The following PLCG2 variants were observed in gnomAD, a reference collection of about 807,000 sequenced individuals.
PLCG2 encodes the protein phospholipase C gamma 2.
PLCG2 carries 69 observed loss-of-function variants against 175.6 expected under a neutral mutation model. The ratio of observed to expected loss-of-function variants is 0.39; its 90% CI spans 0.32 to 0.48. PLCG2 has a LOEUF of 0.48. Among genes scored for constraint, PLCG2 ranks in the 20% least tolerant of loss-of-function variants. The probability of loss-of-function intolerance (pLI) is 0.91; values close to 1 mark genes in which losing one functional copy is unlikely to be tolerated. For missense variants in PLCG2, 1,798 were observed against 1,650.9 expected (o/e 1.09, Z -1.54); for synonymous variants, 827 against 624.0 (o/e 1.33, Z -4.85).
intron 25 of PLCG2, among the ~76,000 whole-genome samples, chr16:81,933,044 T>A (rs1402753786): frequency 2.0e-5 from 3 of 152,228 alleles, no homozygotes; most frequent in Non-Finnish European, 4.4e-5. Context: ...AAAAGTGTTA[T>A]TTCCCTAGAA....
chr16:81,801,663 T>G (rs1399216331), intron 2 of PLCG2, among the ~76,000 whole-genome samples: 1 of 152,160 alleles, frequency 6.6e-6, no homozygotes, highest in Admixed American at 6.6e-5. Flanking sequence ...CGATATTAGA[T>G]AGTTGTTTTT....
At chr16:81,931,932 C>T (rs1227388011) in intron 25 of PLCG2, among the ~76,000 whole-genome samples, 2 of 152,184 alleles carry the variant, frequency 1.3e-5, no homozygotes, top group Admixed American at 1.3e-4. Flanking sequence ...GTCTTTGCGG[C>T]CCTACATATC....
chr16:81,820,582 G>A (rs55687320), intron 2 of PLCG2, among the ~76,000 whole-genome samples: 13,367 of 152,028 alleles, frequency 0.088, 687 homozygotes, highest in Middle Eastern at 0.15. Context: ...GAGATCTTGG[G>A]CATATCAGTT....
intron 5 of PLCG2, among the ~76,000 whole-genome samples, chr16:81,864,513 T>A (rs1398248186): frequency 2.6e-5 from 4 of 152,132 alleles, no homozygotes; most frequent in Non-Finnish European, 5.9e-5. Flanking sequence ...ACTAACTCAT[T>A]GTGTGAATTG....
intron 2 of PLCG2, among the ~76,000 whole-genome samples, chr16:81,826,125 C>A (rs1439239732): frequency 6.6e-6 from 1 of 152,194 alleles, no homozygotes; most frequent in Non-Finnish European, 1.5e-5. Flanking sequence ...TCCAGTTTTC[C>A]CCATTGTGGT....
intron 2 of PLCG2, among the ~76,000 whole-genome samples, chr16:81,853,469 TG>T (rs1269187688): frequency 2.0e-5 from 3 of 152,102 alleles, no homozygotes; most frequent in African/African-American, 7.2e-5. Flanking sequence ...CCACAGATGG[TG>T]GGGGCAGTGG....
intron 2 of PLCG2, among the ~76,000 whole-genome samples, chr16:81,828,955 C>T (rs778507400): frequency 1.3e-5 from 2 of 152,124 alleles, no homozygotes; most frequent in Non-Finnish European, 2.9e-5. Flanking sequence ...GAATGAATTT[C>T]CTGTGTGGGC....
intron 2 of PLCG2, among the ~76,000 whole-genome samples, chr16:81,804,531 C>T (rs1356257471): frequency 6.6e-6 from 1 of 152,206 alleles, no homozygotes; most frequent in African/African-American, 2.4e-5. Context: ...AAGAATCATA[C>T]ATTTTAACCA....
intron 2 of PLCG2, among the ~76,000 whole-genome samples, chr16:81,836,300 T>C (rs1905512271): frequency 6.6e-6 from 1 of 152,184 alleles, no homozygotes; most frequent in African/African-American, 2.4e-5. Flanking sequence ...GACTGGATCG[T>C]GGATCTCCTG....
intron 13 of PLCG2, among the ~76,000 whole-genome samples, chr16:81,899,289 T>TATACACACACACACACAC (rs908648451): frequency 1.1e-5 from 1 of 92,420 alleles, no homozygotes. Context: ...TATATATATA[T>TATACACACACACACACAC]ACACACACAC....
intron 18 of PLCG2, among the ~76,000 whole-genome samples, chr16:81,911,241 T>A (rs1401628884): frequency 6.6e-6 from 1 of 152,192 alleles, no homozygotes; most frequent in East Asian, 1.9e-4. Context: ...ACTTTTTTTT[T>A]CACTTTTTCT....
chr16:81,745,700 T>A (rs899928368), intron 1 of PLCG2, among the ~76,000 whole-genome samples: 1 of 152,194 alleles, frequency 6.6e-6, no homozygotes, highest in African/African-American at 2.4e-5. Context: ...AGAATGCCAA[T>A]GTTTCGCATT....
intron 30 of PLCG2, 126 bp downstream of exon 30, chr16:81,940,185 G>C (rs750620381): frequency 1.1e-5 from 9 of 809,974 alleles, no homozygotes; most frequent in South Asian, 1.7e-5. Flanking sequence ...AAACCGATTG[G>C]GTGGCTTGGA....
intron 2 of PLCG2, among the ~76,000 whole-genome samples, chr16:81,828,457 C>G (rs1026878291): frequency 3.3e-5 from 5 of 151,916 alleles, no homozygotes; most frequent in African/African-American, 1.2e-4. Context: ...CCAGGATGGT[C>G]TCGATCTCCT....
chr16:81,941,023 A>G (rs1910917869), intron 30 of PLCG2, among the ~76,000 whole-genome samples: 1 of 152,178 alleles, frequency 6.6e-6, no homozygotes, highest in South Asian at 2.1e-4. Flanking sequence ...ATTTTTCAAG[A>G]GAAAGATGAC....
chr16:81,761,174 G>C (rs1910034170), intron 2 of PLCG2, among the ~76,000 whole-genome samples: 2 of 152,126 alleles, frequency 1.3e-5, no homozygotes, highest in Admixed American at 1.3e-4. Context: ...TGGCCTTACA[G>C]GTATGAGCCA....
intron 31 of PLCG2, among the ~76,000 whole-genome samples, chr16:81,954,231 C>T (rs1911476803): frequency 6.6e-6 from 1 of 152,178 alleles, no homozygotes; most frequent in African/African-American, 2.4e-5. Context: ...CTATGTTGCC[C>T]AGGCTGGTCT....
At chr16:81,759,756 T>C (rs1909999794) in intron 2 of PLCG2, among the ~76,000 whole-genome samples, 1 of 152,260 alleles carries the variant, frequency 6.6e-6, no homozygotes. Context: ...AAATTGTACG[T>C]TACCCATTGC....
rs759945547 is a variant in PLCG2, at chr16:81,869,109, GCT to G, written c.480-99_480-98del. 6.6e-4 allele frequency: 507 copies of G among 767,162 alleles called. 4 individuals are homozygous for G. The Middle Eastern group carries it at 0.016, about 24-fold the overall frequency. The allele number at this position is 767,162 out of a possible 1,614,324, so 47.5% of individuals were successfully genotyped here. ...TGGTCCATAAATAACTGTTGACCAGGCTCTCTCATAGAGGGCTGCCTGAGGTG... is the reference window on the plus strand; with the variant it reads ...TGGTCCATAAATAACTGTTGACCAGGCTCTCATAGAGGGCTGCCTGAGGTG... On this transcript the variant is annotated intron_variant, in intron 5 of 32. Coordinates refer to ENST00000564138, the MANE Select transcript of PLCG2 (RefSeq NM_002661.5).
Sources: allele counts gnomAD v4.1 joint callset (sites outside exome capture counted in the v4.1 genomes callset), GRCh38; gene constraint gnomAD v4.1.1; transcripts MANE v1.5; gene names NCBI Gene and HGNC (gene_info 2026-07-23, HGNC 2026-07-21).